SEPTIN7: variants seen among roughly 807,000 people sequenced by gnomAD.
SEPTIN7 encodes the protein septin-7.
SEPTIN7 carries 10 observed loss-of-function variants against 63.3 expected under a neutral mutation model. The ratio of observed to expected loss-of-function variants is 0.16; its 90% CI spans 0.10 to 0.27. The LOEUF is 0.27. Among genes scored for constraint, SEPTIN7 ranks in the 10% least tolerant of loss-of-function variants. The pLI is 1.00. For missense variants in SEPTIN7, 310 were observed against 521.0 expected (o/e 0.59, Z 3.94); for synonymous variants, 131 against 165.3 (o/e 0.79, Z 1.59).
chr7:35,820,489 T>A (rs1789347818), intron 1 of SEPTIN7, among the ~76,000 whole-genome samples: 1 of 152,168 alleles, frequency 6.6e-6, no homozygotes, highest in Non-Finnish European at 1.5e-5. Context: ...TTGGTGATTC[T>A]TTTTTCTGCA....
chr7:35,866,481 A>G (rs538886788), intron 4 of SEPTIN7, among the ~76,000 whole-genome samples: 21 of 152,330 alleles, frequency 1.4e-4, no homozygotes, highest in Admixed American at 1.2e-3. Context: ...GTTTATGAAA[A>G]TGGGGAGAAA....
At chr7:35,868,842 T>C (rs1439123771) in intron 4 of SEPTIN7, among the ~76,000 whole-genome samples, 1 of 152,158 alleles carries the variant, frequency 6.6e-6, no homozygotes, top group Non-Finnish European at 1.5e-5. Context: ...GAAAAAGATA[T>C]ATTTCACACA....
At chr7:35,885,405 ATAAAAG>A (rs1181364086) in intron 9 of SEPTIN7, among the ~76,000 whole-genome samples, 1 of 152,192 alleles carries the variant, frequency 6.6e-6, no homozygotes. Context: ...TTCTTTAAAA[ATAAAAG>A]TAAAGAACCT....
At chr7:35,897,219 T>A (rs1788006611) in intron 11 of SEPTIN7, among the ~76,000 whole-genome samples, 1 of 152,200 alleles carries the variant, frequency 6.6e-6, no homozygotes, top group South Asian at 2.1e-4. Context: ...GGTCAAAGCC[T>A]GTTTTTATGG....
At chr7:35,831,608 T>C in intron 2 of SEPTIN7, 112 bp downstream of exon 2, 1 of 303,518 alleles carries the variant, frequency 3.3e-6, no homozygotes. Flanking sequence ...TGCATATTTC[T>C]AACTCCACTC....
chr7:35,839,548 G>GTTATT (rs1784301708), intron 3 of SEPTIN7, among the ~76,000 whole-genome samples: 1 of 151,906 alleles, frequency 6.6e-6, no homozygotes, highest in Admixed American at 6.6e-5. Context: ...GTTATGTTAT[G>GTTATT]TTATGTTATG....
intron 8 of SEPTIN7, 102 bp downstream of exon 8, chr7:35,882,678 G>A (rs1161488065): frequency 9.3e-7 from 1 of 1,071,168 alleles, no homozygotes; most frequent in Non-Finnish European, 1.2e-6. Context: ...TAAGTAGTTG[G>A]CTTACAAAAT....
chr7:35,904,645 T>C lies in SEPTIN7; in HGVS notation c.*352T>C, dbSNP rs1290796357. On this transcript the variant is annotated 3_prime_UTR_variant, in exon 14 of 14. Transcript: ENST00000350320. ...CCAAAATAAAAGGACTCTGGAAGATTTTCATTGAGGATAAATTGCCATAAT... is the reference window on the plus strand; with the variant it reads ...CCAAAATAAAAGGACTCTGGAAGATCTTCATTGAGGATAAATTGCCATAAT... 1.2e-5 allele frequency: 2 copies of C among 171,088 alleles called. No individual in the cohort carries two copies. The highest frequency in any genetic ancestry group is 1.3e-4 in the Admixed American group (2 of 15,824). 10.6% of individuals were successfully genotyped at this position (171,088 alleles called of 1,614,324 possible). A position where few individuals can be genotyped will look rare whatever the true frequency, so the allele number is the denominator to read the frequency against.
At chr7:35,804,901 A>G (rs1231139716) in intron 1 of SEPTIN7, among the ~76,000 whole-genome samples, 4 of 148,476 alleles carry the variant, frequency 2.7e-5, no homozygotes, top group Non-Finnish European at 5.9e-5. Context: ...CAATGGTGCA[A>G]TCTTGGCTCA....
chr7:35,801,709 G>A (rs1787992585), intron 1 of SEPTIN7, among the ~76,000 whole-genome samples: 2 of 152,200 alleles, frequency 1.3e-5, no homozygotes, highest in African/African-American at 2.4e-5. Flanking sequence ...CCCCTCGTGG[G>A]GCAGTGGGCC....
At chr7:35,827,693 G>A (rs1783590070) in intron 1 of SEPTIN7, among the ~76,000 whole-genome samples, 1 of 152,226 alleles carries the variant, frequency 6.6e-6, no homozygotes, top group African/African-American at 2.4e-5. Context: ...GTTTCACCAT[G>A]TTGGCCAGGC....
chr7:35,915,623 C>G, the SEPTIN7 span, among the ~76,000 whole-genome samples: 1 of 152,152 alleles, frequency 6.6e-6, no homozygotes, highest in Non-Finnish European at 1.5e-5. Context: ...TTGAAAAACT[C>G]ATTTTGTTTG....
intron 4 of SEPTIN7, among the ~76,000 whole-genome samples, chr7:35,867,000 C>T (rs562870894): frequency 2.0e-5 from 3 of 152,282 alleles, no homozygotes; most frequent in Non-Finnish European, 4.4e-5. Flanking sequence ...TACTGCCAGT[C>T]TGGGTACTAC....
intron 7 of SEPTIN7, among the ~76,000 whole-genome samples, chr7:35,881,597 A>G (rs755056023): frequency 2.7e-5 from 4 of 150,732 alleles, no homozygotes; most frequent in East Asian, 1.9e-4. Flanking sequence ...ACTTCTGTCT[A>G]CTATAGTAAC....
chr7:35,894,015 A>G (rs1787809132), intron 11 of SEPTIN7, among the ~76,000 whole-genome samples: 1 of 152,160 alleles, frequency 6.6e-6, no homozygotes, highest in South Asian at 2.1e-4. Flanking sequence ...TAACCTCTCA[A>G]ATCAAAGAAA....
At chr7:35,820,935 A>G (rs889715689) in intron 1 of SEPTIN7, among the ~76,000 whole-genome samples, 3 of 152,120 alleles carry the variant, frequency 2.0e-5, no homozygotes, top group Non-Finnish European at 2.9e-5. Flanking sequence ...TTTTTGCCAT[A>G]TGTTGTCACT....
At chr7:35,886,287 A>G (rs1787241419) in intron 10 of SEPTIN7, among the ~76,000 whole-genome samples, 1 of 152,218 alleles carries the variant, frequency 6.6e-6, no homozygotes. Context: ...TGAGTAGGGC[A>G]CATTTTATGT....
At chr7:35,814,539 A>G (rs1267337973) in intron 1 of SEPTIN7, among the ~76,000 whole-genome samples, 1 of 152,022 alleles carries the variant, frequency 6.6e-6, no homozygotes, top group Non-Finnish European at 1.5e-5. Flanking sequence ...CAAATACACT[A>G]TTTCTCATTA....
At chr7:35,810,398 A>G (rs1483446001) in intron 1 of SEPTIN7, among the ~76,000 whole-genome samples, 1 of 149,314 alleles carries the variant, frequency 6.7e-6, no homozygotes, top group Non-Finnish European at 1.5e-5. Flanking sequence ...ATCTCAGCTC[A>G]TTGCCAGCTC....
Sources: allele counts gnomAD v4.1 joint callset (sites outside exome capture counted in the v4.1 genomes callset), GRCh38; gene constraint gnomAD v4.1.1; transcripts MANE v1.5; gene names NCBI Gene and HGNC (gene_info 2026-07-23, HGNC 2026-07-21).